Variants in TMEM38A observed in about 807,000 individuals in gnomAD.
TMEM38A encodes the protein trimeric intracellular cation channel type A.
A neutral mutation model predicts 28.6 loss-of-function variants in TMEM38A; 17 were observed. That is an observed-to-expected ratio of 0.60 (90% confidence interval 0.41 to 0.89). TMEM38A has a LOEUF of 0.89. Ranked by LOEUF, TMEM38A falls within the 40% of genes least tolerant of loss-of-function variation. The pLI, the probability that TMEM38A is intolerant of heterozygous loss-of-function variation, is 0.00. For missense variants in TMEM38A, 328 were observed against 393.1 expected (o/e 0.83, Z 1.40); for synonymous variants, 169 against 166.1 (o/e 1.02, Z -0.14).
At chr19:16,663,877 T>C (rs1308819702) in intron 1 of TMEM38A, among the ~76,000 whole-genome samples, 1 of 150,772 alleles carries the variant, frequency 6.6e-6, no homozygotes, top group Admixed American at 6.6e-5. Flanking sequence ...CCCCCACCAA[T>C]TGAATCAGAA....
intron 5 of TMEM38A, among the ~76,000 whole-genome samples, chr19:16,686,959 G>T (rs1418123231): frequency 1.3e-5 from 2 of 152,166 alleles, no homozygotes; most frequent in Non-Finnish European, 2.9e-5. Flanking sequence ...TATGTTTGTA[G>T]CTCTACCCCA....
intron 1 of TMEM38A, among the ~76,000 whole-genome samples, chr19:16,672,446 A>ATTTTTT (rs746189021): frequency 0.082 from 8,565 of 104,626 alleles, 937 homozygotes; most frequent in African/African-American, 0.16. Flanking sequence ...AAAAAACCTC[A>ATTTTTT]TTTTTTTTTT....
chr19:16,682,458 G>A lies in TMEM38A; in HGVS notation c.504G>A (p.Leu168=), dbSNP rs528139622. Residue 168 remains leucine (L), a synonymous_variant, in exon 4 of 6, where the codon CTG becomes CTA. Transcript: ENST00000187762. The stretch of plus-strand genomic sequence containing the variant: ...CCCTCATGTCCAACTTTGAGCAGCT[G>A]CTCCGAGGGGTCTGGAAGCCAGAGA... ...GVALMSNFEQ[L]LRGVWKPETN... The A allele has an allele frequency of 1.2e-6, 2 of 1,614,056 alleles. No homozygotes were observed. Among genetic ancestry groups the A allele is most frequent in the African/African-American group, 2.7e-5 (2 of 75,012 alleles).
rs575288493 is a variant in TMEM38A at position 16,684,926 on chromosome 19, C to T, written c.555-1362C>T. Among the ~76,000 whole-genome samples, 76 of 151,470 alleles carry T rather than the reference C, an allele frequency of 5.0e-4. No homozygotes were observed. The South Asian group carries it at 0.016, about 32-fold the overall frequency. ...TAAGCAGGCACAGTGGCACATAACTCTAGCCCTAGCTACTTGGGGGGCTGA... is the reference window on the plus strand; with the variant it reads ...TAAGCAGGCACAGTGGCACATAACTTTAGCCCTAGCTACTTGGGGGGCTGA... On this transcript the variant is annotated intron_variant, in intron 4 of 5. Coordinates refer to ENST00000187762, the MANE Select transcript of TMEM38A (RefSeq NM_024074.4).
At chr19:16,686,144 C>G (rs2086800761) in intron 4 of TMEM38A, 144 bp from the exon 5 acceptor site, 4 of 597,206 alleles carry the variant, frequency 6.7e-6, no homozygotes, top group South Asian at 2.0e-5. Context: ...GCCTGGGCAA[C>G]AGAGTGAGAT....
chr19:16,662,435 G>C (rs1040241563), intron 1 of TMEM38A, among the ~76,000 whole-genome samples: 3 of 102,448 alleles, frequency 2.9e-5, no homozygotes, highest in Admixed American at 1.9e-4. Flanking sequence ...GTAAATGCAC[G>C]CTTTTTTTTT....
At chr19:16,684,890 A>C (rs1286753961) in intron 4 of TMEM38A, among the ~76,000 whole-genome samples, 1 of 151,428 alleles carries the variant, frequency 6.6e-6, no homozygotes, top group Non-Finnish European at 1.5e-5. Context: ...AAAAAAAAAA[A>C]ACTTAAAAAT....
intron 1 of TMEM38A, among the ~76,000 whole-genome samples, chr19:16,675,825 G>A (rs1332947899): frequency 1.3e-5 from 2 of 152,102 alleles, no homozygotes; most frequent in Admixed American, 1.3e-4. Context: ...GGGATGACAG[G>A]CGTGAGCCAC....
At chr19:16,672,226 A>T (rs1038369591) in intron 1 of TMEM38A, among the ~76,000 whole-genome samples, 1 of 152,034 alleles carries the variant, frequency 6.6e-6, no homozygotes, top group African/African-American at 2.4e-5. Flanking sequence ...AAAAAAAGAG[A>T]TGTGGAGAGA....
chr19:16,682,318 A>G, intron 3 of TMEM38A, 103 bp from the exon 4 acceptor site: 3 of 897,582 alleles, frequency 3.3e-6, no homozygotes, highest in South Asian at 2.8e-5. Context: ...GTGTCCTTCT[A>G]GAGAAGATTC....
intron 3 of TMEM38A, 199 bp downstream of exon 3, chr19:16,680,780 AGG>A: frequency 1.7e-6 from 1 of 584,734 alleles, no homozygotes; most frequent in Non-Finnish European, 3.0e-6. Context: ...TGTTACTGTC[AGG>A]GGTACCTAAG....
Position 16,676,209 on chromosome 19 carries a change from A to T in TMEM38A, c.125-3775A>T, listed in dbSNP as rs373315164. On this transcript the variant is annotated intron_variant, in intron 1 of 5. Coordinates refer to ENST00000187762, the MANE Select transcript of TMEM38A (RefSeq NM_024074.4). ...CCCCGTCTCTACTAAAATTACAAAAAATTGGGCGTGCTGGCGGGTGCCTGT... is the reference window on the plus strand; with the variant it reads ...CCCCGTCTCTACTAAAATTACAAAATATTGGGCGTGCTGGCGGGTGCCTGT... 5.1e-5 allele frequency among the ~76,000 whole-genome samples: 7 copies of T among 137,444 alleles called. No individual in the cohort carries two copies. In the East Asian group the frequency reaches 1.2e-3, roughly 23 times the overall value. The allele number at this position is 137,444 out of a possible 152,430, so 90.2% of individuals were successfully genotyped here.
In TMEM38A at chr19:16,661,984, T is replaced by TCAGTGA. The variant is rs1394373508; in HGVS notation, c.124+644_124+645insAGTGAC. Among the ~76,000 whole-genome samples the TCAGTGA allele has an allele frequency of 6.6e-6, 1 of 152,086 alleles. No individual in the cohort carries two copies. The highest frequency in any genetic ancestry group is 1.5e-5 in the Non-Finnish European group (1 of 68,014). ...AAGGCTGGGTGACTTGGGGTCAGTG[T>TCAGTGA]CCTCCATCTCAGCTCCAGACTCCAC... is the stretch of plus-strand genomic sequence containing the variant. On this transcript the variant is annotated intron_variant, in intron 1 of 5. Coordinates refer to ENST00000187762, the MANE Select transcript of TMEM38A (RefSeq NM_024074.4). This position sits in a 1 kb window ranked among gnomAD's most constrained non-coding sequence, Gnocchi z 6.5.
chr19:16,669,389 T>G (rs1184815696), intron 1 of TMEM38A, among the ~76,000 whole-genome samples: 2 of 151,486 alleles, frequency 1.3e-5, no homozygotes, highest in African/African-American at 4.9e-5. Flanking sequence ...GTGTTTTTAG[T>G]AGAGACAGGG....
intron 4 of TMEM38A, among the ~76,000 whole-genome samples, chr19:16,683,073 A>G (rs1319230965): frequency 6.6e-6 from 1 of 152,084 alleles, no homozygotes; most frequent in Non-Finnish European, 1.5e-5. Flanking sequence ...TCCCAGGTTC[A>G]AGAGATTCTC....
intron 1 of TMEM38A, among the ~76,000 whole-genome samples, chr19:16,676,157 G>T (rs1344889634): frequency 7.5e-6 from 1 of 133,562 alleles, no homozygotes; most frequent in South Asian, 2.1e-4. Flanking sequence ...TCAGGAGATT[G>T]AGACCATCTT....
At chr19:16,673,112 C>T (rs925730582) in intron 1 of TMEM38A, among the ~76,000 whole-genome samples, 4 of 151,650 alleles carry the variant, frequency 2.6e-5, no homozygotes, top group African/African-American at 9.7e-5. Context: ...GATGGAGCCT[C>T]CCTCTGTCGC....
chr19:16,668,502 CAAAAAAA>C (rs1215843373), intron 1 of TMEM38A, among the ~76,000 whole-genome samples: 1 of 73,716 alleles, frequency 1.4e-5, no homozygotes, highest in African/African-American at 4.0e-5. Flanking sequence ...GACTCTGTCT[CAAAAAAA>C]AAAAAAAAAA....
chr19:16,662,609 A>T (rs917433608), intron 1 of TMEM38A, among the ~76,000 whole-genome samples: 1 of 151,746 alleles, frequency 6.6e-6, no homozygotes, highest in African/African-American at 2.4e-5. Flanking sequence ...ACCCGCCACT[A>T]CACTTGGCTA....
Sources: allele counts gnomAD v4.1 joint callset (sites outside exome capture counted in the v4.1 genomes callset), GRCh38; gene constraint gnomAD v4.1.1; non-coding constraint Gnocchi (gnomAD v3.1); transcripts MANE v1.5; gene names NCBI Gene and HGNC (gene_info 2026-07-23, HGNC 2026-07-21).